The following RIT2 variants were observed in gnomAD, a reference collection of about 807,000 sequenced individuals.
The protein encoded by RIT2 is Ras like without CAAX 2.
RIT2 carries 24 observed loss-of-function variants against 23.7 expected under a neutral mutation model. That is an observed-to-expected ratio of 1.01 (90% CI 0.73 to 1.43). The LOEUF is 1.43. Ranked by LOEUF, RIT2 falls within the 40% of genes most tolerant of loss-of-function variation. The probability of loss-of-function intolerance (pLI) is 0.00; values close to 1 mark genes in which losing one functional copy is unlikely to be tolerated. For missense variants in RIT2, 236 were observed against 266.9 expected, an observed-to-expected ratio of 0.88 and a Z score of 0.81; for synonymous variants, 107 against 91.1, an observed-to-expected ratio of 1.17 and a Z score of -0.99.
chr18:42,780,420 A>G (rs1913784083), intron 4 of RIT2, among the ~76,000 whole-genome samples: 1 of 152,064 alleles, frequency 6.6e-6, no homozygotes. Flanking sequence ...ACCTCCAAGT[A>G]GCAGGCTTCA....
intron 2 of RIT2, among the ~76,000 whole-genome samples, chr18:42,987,278 A>C (rs1208498235): frequency 6.6e-6 from 1 of 152,186 alleles, no homozygotes; most frequent in Non-Finnish European, 1.5e-5. Flanking sequence ...TTGCATAATG[A>C]AATAATAATA....
chr18:43,033,957 G>T, intron 1 of RIT2, 90 bp from the exon 2 acceptor site: 1 of 846,636 alleles, frequency 1.2e-6, no homozygotes, highest in Non-Finnish European at 1.9e-6. Context: ...TCTTTTAAAA[G>T]GTTATGGTGA....
rs1909866032 is a variant in RIT2 at position 42,952,143 on chromosome 18, T to C, written c.234+21931A>G. Among the ~76,000 whole-genome samples the C allele has an allele frequency of 2.0e-5, 3 of 152,074 alleles. No homozygotes were observed. The South Asian group carries it at 6.2e-4, about 32-fold the overall frequency. The stretch of plus-strand genomic sequence containing the variant: ...GTATTATGGGAGCTTCAATTCAAGA[T>C]GAGATTTGGGTGGGGACATGGCCAA... On this transcript the variant is annotated intron_variant, in intron 3 of 4. Coordinates refer to ENST00000326695, the MANE Select transcript of RIT2 (RefSeq NM_002930.4).
intron 4 of RIT2, among the ~76,000 whole-genome samples, chr18:42,916,322 T>C (rs1418979310): frequency 6.6e-6 from 1 of 152,124 alleles, no homozygotes; most frequent in Admixed American, 6.6e-5. Flanking sequence ...GAATGGCCAG[T>C]AATCTTTTGT....
chr18:42,891,794 C>T (rs4372771), intron 4 of RIT2, among the ~76,000 whole-genome samples: 13,997 of 152,026 alleles, frequency 0.092, 887 homozygotes, highest in African/African-American at 0.18. Flanking sequence ...TGAAACTATT[C>T]AGTATGACAC....
chr18:43,036,766 T>C (rs1228647558), intron 1 of RIT2, among the ~76,000 whole-genome samples: 1 of 152,142 alleles, frequency 6.6e-6, no homozygotes, highest in African/African-American at 2.4e-5. Flanking sequence ...TTTAGAAAGA[T>C]TGATTTGTAT....
chr18:43,097,046 A>G (rs925923872), intron 1 of RIT2, among the ~76,000 whole-genome samples: 11 of 151,958 alleles, frequency 7.2e-5, no homozygotes, highest in Non-Finnish European at 1.2e-4. Context: ...ACTAACAAAT[A>G]TGCAAGTGTC....
intron 3 of RIT2, among the ~76,000 whole-genome samples, chr18:42,946,642 C>T (rs1293446034): frequency 6.6e-6 from 1 of 151,970 alleles, no homozygotes; most frequent in Non-Finnish European, 1.5e-5. Flanking sequence ...ATCTTGCCAA[C>T]TTTGTTCTTG....
intron 1 of RIT2, among the ~76,000 whole-genome samples, chr18:43,083,215 C>A (rs1913199666): frequency 2.0e-5 from 3 of 152,012 alleles, no homozygotes; most frequent in Admixed American, 1.3e-4. Flanking sequence ...AACTGCTGCT[C>A]AAGAAAATAA....
intron 3 of RIT2, among the ~76,000 whole-genome samples, chr18:42,930,059 C>T (rs1909288476): frequency 6.6e-6 from 1 of 152,012 alleles, no homozygotes; most frequent in South Asian, 2.1e-4. Context: ...CAGAAAGAGG[C>T]GTTAGTATGA....
intron 1 of RIT2, among the ~76,000 whole-genome samples, chr18:43,073,206 C>T (rs1339485854): frequency 6.6e-6 from 1 of 152,204 alleles, no homozygotes; most frequent in Non-Finnish European, 1.5e-5. Flanking sequence ...GACAGCTCAT[C>T]ATCTCATTGG....
At chr18:42,778,046 C>T (rs1216017950) in intron 4 of RIT2, among the ~76,000 whole-genome samples, 1 of 152,180 alleles carries the variant, frequency 6.6e-6, no homozygotes, top group African/African-American at 2.4e-5. Context: ...TTCTGCCCTA[C>T]AACTGCCATT....
chr18:42,984,019 T>C (rs1356000962), intron 2 of RIT2, among the ~76,000 whole-genome samples: 4 of 152,088 alleles, frequency 2.6e-5, no homozygotes, highest in African/African-American at 9.6e-5. Flanking sequence ...ATATGTATCA[T>C]ATAAAATAGC....
intron 2 of RIT2, among the ~76,000 whole-genome samples, chr18:42,977,382 A>C (rs1910499214): frequency 6.6e-6 from 1 of 152,120 alleles, no homozygotes; most frequent in Non-Finnish European, 1.5e-5. Flanking sequence ...AGCAAAAAGC[A>C]AACTGAATCA....
chr18:43,017,390 CT>C (rs2144261559), intron 2 of RIT2, among the ~76,000 whole-genome samples: 1 of 151,910 alleles, frequency 6.6e-6, no homozygotes, highest in South Asian at 2.1e-4. Flanking sequence ...TAAAAATAAG[CT>C]ATTAAAATAA....
intron 2 of RIT2, among the ~76,000 whole-genome samples, chr18:42,995,503 T>C (rs888048697): frequency 3.3e-5 from 5 of 152,208 alleles, no homozygotes; most frequent in Admixed American, 6.5e-5. Context: ...CACCTCTATA[T>C]AGTCCTATAG....
chr18:42,964,546 G>T (rs1160322041), intron 3 of RIT2, among the ~76,000 whole-genome samples: 1 of 151,996 alleles, frequency 6.6e-6, no homozygotes, highest in Non-Finnish European at 1.5e-5. Flanking sequence ...GCCCAGTTTT[G>T]TCTATGTTAT....
At chr18:43,094,123 G>GTTTT (rs376144367) in intron 1 of RIT2, among the ~76,000 whole-genome samples, 4 of 116,048 alleles carry the variant, frequency 3.4e-5, no homozygotes, top group Non-Finnish European at 3.5e-5. Context: ...GGTTTTTTTT[G>GTTTT]TTTTTTTTTT....
intron 4 of RIT2, among the ~76,000 whole-genome samples, chr18:42,836,908 G>A (rs1053658992): frequency 6.6e-5 from 10 of 151,966 alleles, no homozygotes; most frequent in African/African-American, 1.9e-4. Flanking sequence ...TTGATAAGAT[G>A]GGAAGGACTC....
Sources: gnomAD v4.1 joint callset for allele counts (sites outside exome capture counted in the v4.1 genomes callset) on GRCh38, gnomAD v4.1.1 for gene constraint, MANE v1.5 for transcripts, NCBI Gene and HGNC (gene_info 2026-07-23, HGNC 2026-07-21) for gene names.